HS6ST2: variants seen among roughly 807,000 people sequenced by gnomAD.
The protein encoded by HS6ST2 is heparan sulfate 6-O-sulfotransferase 2.
In HS6ST2, 17 loss-of-function variants were observed where a neutral mutation model predicts 33.0. The observed-to-expected ratio is 0.52, with a 90% CI of 0.35 to 0.77. HS6ST2 has a LOEUF of 0.77. HS6ST2 is among the 30% of genes least tolerant of loss of function. The pLI, the probability that HS6ST2 is intolerant of heterozygous loss-of-function variation, is 0.01. For missense variants in HS6ST2, 519 were observed against 551.7 expected, an observed-to-expected ratio of 0.94 and a Z score of 0.59; for synonymous variants, 248 against 237.1, an observed-to-expected ratio of 1.05 and a Z score of -0.42.
chrX:132,710,679 C>G (rs1404486809), intron 2 of HS6ST2, among the ~76,000 whole-genome samples: 3 of 111,853 alleles, frequency 2.7e-5, no homozygotes, highest in African/African-American at 9.8e-5. Flanking sequence ...AAAGAATTCT[C>G]TTTTGGATTG....
At chrX:132,786,007 C>T (rs1434487359) in intron 2 of HS6ST2, among the ~76,000 whole-genome samples, 1 of 111,073 alleles carries the variant, frequency 9.0e-6, no homozygotes, top group African/African-American at 3.3e-5. Flanking sequence ...GCTGTGTGAC[C>T]CCATAGGCAA....
At position 132,789,757 on chromosome X, in the gene HS6ST2, C is replaced by A. The variant is rs1340045418; in HGVS notation, c.948-81263G>T. ...GAGTTTGGAAGAAGCTGATTCCAAC[C>A]CTCATTAATCACTTTGGGGGCTCAA... On this transcript the variant is annotated intron_variant, in intron 2 of 4. Coordinates refer to ENST00000370833, the MANE Select transcript of HS6ST2 (RefSeq NM_001394073.1). Among the ~76,000 whole-genome samples the A allele has an allele frequency of 3.6e-5, 4 of 111,471 alleles. No individual in the cohort carries two copies. The East Asian group carries it at 8.5e-4, about 24-fold the overall frequency.
chrX:132,706,906 C>A (rs1378868467), intron 3 of HS6ST2, among the ~76,000 whole-genome samples: 1 of 111,850 alleles, frequency 8.9e-6, no homozygotes, highest in East Asian at 2.8e-4. Flanking sequence ...AAAACCGTTT[C>A]TTTCCCATCT....
chrX:132,678,634 C>T (rs1404136399), intron 3 of HS6ST2, among the ~76,000 whole-genome samples: 1 of 112,442 alleles, frequency 8.9e-6, no homozygotes, highest in African/African-American at 3.2e-5. Context: ...TAAGTAGGGT[C>T]TCCTTTGCAA....
chrX:132,643,295 T>G (rs1397609949), intron 4 of HS6ST2, among the ~76,000 whole-genome samples: 2 of 110,822 alleles, frequency 1.8e-5, no homozygotes, highest in East Asian at 5.7e-4. Context: ...CTCATCATGG[T>G]TGGGGGCAGT....
intron 2 of HS6ST2, among the ~76,000 whole-genome samples, chrX:132,915,584 TTAATAATGATGA>T (rs1217284754): frequency 9.0e-6 from 1 of 111,269 alleles, no homozygotes; most frequent in Non-Finnish European, 1.9e-5. Context: ...GGTGATTGTC[TTAATAATGATGA>T]TAATAATGAT....
At chrX:132,902,308 G>A (rs1483399985) in intron 2 of HS6ST2, among the ~76,000 whole-genome samples, 3 of 111,000 alleles carry the variant, frequency 2.7e-5, no homozygotes, top group African/African-American at 9.8e-5. Context: ...TCACCATGTT[G>A]CCCAGGCAGG....
chrX:132,849,565 T>C (rs2065783050), intron 2 of HS6ST2, among the ~76,000 whole-genome samples: 1 of 112,103 alleles, frequency 8.9e-6, no homozygotes, highest in African/African-American at 3.2e-5. Context: ...AAGTACTCAA[T>C]AGTAAATATC....
At chrX:132,706,637 T>C (rs987970355) in intron 3 of HS6ST2, among the ~76,000 whole-genome samples, 1 of 112,215 alleles carries the variant, frequency 8.9e-6, no homozygotes, top group African/African-American at 3.2e-5. Context: ...CTTCCACTGA[T>C]TGTTCCCTTC....
At chrX:132,676,052 C>G (rs1332761311) in intron 3 of HS6ST2, among the ~76,000 whole-genome samples, 2 of 111,802 alleles carry the variant, frequency 1.8e-5, no homozygotes, top group Non-Finnish European at 3.8e-5. Context: ...TCACCTTTCC[C>G]ATACTGAGGT....
chrX:132,933,178 A>G (rs968643774), intron 2 of HS6ST2, among the ~76,000 whole-genome samples: 2 of 108,982 alleles, frequency 1.8e-5, no homozygotes, highest in African/African-American at 6.7e-5. Context: ...AAATACAAAA[A>G]TTGGCCAGGC....
At chrX:132,959,144 C>A (rs1020778602), upstream of HS6ST2, among the ~76,000 whole-genome samples, 6 of 111,684 alleles carry the variant, frequency 5.4e-5, no homozygotes, top group Non-Finnish European at 1.1e-4. Flanking sequence ...GGTCACACAG[C>A]AGAGCCCCAG....
intron 2 of HS6ST2, among the ~76,000 whole-genome samples, chrX:132,730,394 G>A (rs2064445246): frequency 8.9e-6 from 1 of 112,108 alleles, no homozygotes; most frequent in Non-Finnish European, 1.9e-5. Context: ...GCAGGCAACA[G>A]GCTGCCCTCC....
intron 2 of HS6ST2, among the ~76,000 whole-genome samples, chrX:132,784,058 G>A (rs956064761): frequency 9.0e-6 from 1 of 111,096 alleles, no homozygotes; most frequent in Non-Finnish European, 1.9e-5. Context: ...TGAGGCCAAC[G>A]TATACACTTC....
At chrX:132,752,840 T>G (rs777384369) in intron 2 of HS6ST2, among the ~76,000 whole-genome samples, 1 of 112,022 alleles carries the variant, frequency 8.9e-6, no homozygotes, top group South Asian at 3.8e-4. Context: ...ACACTTGTCC[T>G]CTCTAATTGG....
At chrX:132,818,518 T>C (rs1334048368) in intron 2 of HS6ST2, among the ~76,000 whole-genome samples, 1 of 111,272 alleles carries the variant, frequency 9.0e-6, no homozygotes, top group Non-Finnish European at 1.9e-5. Flanking sequence ...AGGAAGGAAC[T>C]ATTCTGCACT....
chrX:132,689,533 T>G (rs2064044253), intron 3 of HS6ST2, among the ~76,000 whole-genome samples: 1 of 112,060 alleles, frequency 8.9e-6, no homozygotes, highest in African/African-American at 3.2e-5. Flanking sequence ...CATTTTGAAT[T>G]ACTGGGAAGC....
intron 2 of HS6ST2, among the ~76,000 whole-genome samples, chrX:132,917,864 G>C (rs1027622448): frequency 3.6e-5 from 4 of 111,780 alleles, no homozygotes; most frequent in African/African-American, 1.3e-4. Context: ...GCCTGACCAG[G>C]GACAAATGGG....
chrX:132,820,199 C>A (rs1287389723), intron 2 of HS6ST2, among the ~76,000 whole-genome samples: 1 of 79,954 alleles, frequency 1.3e-5, no homozygotes, highest in Admixed American at 1.1e-4. Flanking sequence ...CCCCTTAATG[C>A]CAGACAGTTT....
Sources: allele counts gnomAD v4.1 joint callset (sites outside exome capture counted in the v4.1 genomes callset), GRCh38; gene constraint gnomAD v4.1.1; transcripts MANE v1.5; gene names NCBI Gene and HGNC (gene_info 2026-07-23, HGNC 2026-07-21).